Variants in KHDRBS2 observed in about 807,000 individuals in gnomAD.
The protein encoded by KHDRBS2 is KH domain-containing, RNA-binding, signal transduction-associated protein 2.
Under a neutral mutation model 44.3 loss-of-function variants are expected in KHDRBS2, and 26 were observed. That is an observed-to-expected ratio of 0.59 (90% CI 0.43 to 0.81). The LOEUF (loss-of-function observed/expected upper bound fraction) is 0.81. Ranked by LOEUF, KHDRBS2 falls within the 40% of genes least tolerant of loss-of-function variation. The pLI is 0.00. For synonymous variants in KHDRBS2, 194 were observed against 151.1 expected (o/e 1.28, Z -2.08); for missense variants, 476 against 433.1 (o/e 1.10, Z -0.88).
intron 2 of KHDRBS2, among the ~76,000 whole-genome samples, chr6:62,152,339 A>G (rs1345171758): frequency 6.6e-5 from 10 of 152,154 alleles, no homozygotes; most frequent in Non-Finnish European, 1.5e-4. Flanking sequence ...CAAAAAACAA[A>G]CAAAAAAATA....
intron 3 of KHDRBS2, among the ~76,000 whole-genome samples, chr6:61,985,105 A>C (rs1393295714): frequency 6.6e-6 from 1 of 152,078 alleles, no homozygotes; most frequent in Non-Finnish European, 1.5e-5. Context: ...ATAGGTTCTG[A>C]TTAGGATATT....
intron 6 of KHDRBS2, among the ~76,000 whole-genome samples, chr6:61,876,887 G>A (rs1799483720): frequency 6.6e-6 from 1 of 152,050 alleles, no homozygotes; most frequent in South Asian, 2.1e-4. Context: ...CATCATTGCC[G>A]AAATATGTTC....
chr6:61,555,157 G>C, the KHDRBS2 span, among the ~76,000 whole-genome samples: 2 of 151,708 alleles, frequency 1.3e-5, no homozygotes, highest in Non-Finnish European at 2.9e-5. Context: ...TCATAAATTG[G>C]GTCTCTTTAA....
chr6:61,967,957 T>TAC (rs72296296), intron 4 of KHDRBS2, among the ~76,000 whole-genome samples: 26 of 73,582 alleles, frequency 3.5e-4, no homozygotes, highest in African/African-American at 7.9e-4. Flanking sequence ...TATATATATA[T>TAC]ACACACACAC....
intron 1 of KHDRBS2, among the ~76,000 whole-genome samples, chr6:62,222,397 T>C (rs952184505): frequency 6.7e-6 from 1 of 150,018 alleles, no homozygotes; most frequent in East Asian, 2.0e-4. Flanking sequence ...TGGCGGGAGG[T>C]GAAAAGCACT....
intron 4 of KHDRBS2, among the ~76,000 whole-genome samples, chr6:61,955,104 A>T (rs1423625741): frequency 8.1e-6 from 1 of 123,094 alleles, no homozygotes; most frequent in Non-Finnish European, 1.8e-5. Flanking sequence ...ATATGTATAT[A>T]TACACATATG....
At chr6:62,199,912 G>A (rs1033357801) in intron 1 of KHDRBS2, among the ~76,000 whole-genome samples, 8 of 152,136 alleles carry the variant, frequency 5.3e-5, no homozygotes, top group Non-Finnish European at 1.2e-4. Context: ...ACAGAACAGA[G>A]CCCTCAGAAA....
intron 2 of KHDRBS2, among the ~76,000 whole-genome samples, chr6:62,084,586 T>C (rs991377427): frequency 2.6e-5 from 4 of 152,188 alleles, no homozygotes; most frequent in Non-Finnish European, 5.9e-5. Flanking sequence ...TTTATGGGGC[T>C]ATCTCAAGGC....
intron 7 of KHDRBS2, among the ~76,000 whole-genome samples, chr6:61,711,522 A>C (rs1361385156): frequency 1.3e-5 from 2 of 151,920 alleles, no homozygotes; most frequent in African/African-American, 4.8e-5. Flanking sequence ...GTTTGACAAT[A>C]GTTAATTTAG....
At chr6:61,942,283 G>A (rs1310549328) in intron 4 of KHDRBS2, among the ~76,000 whole-genome samples, 1 of 151,982 alleles carries the variant, frequency 6.6e-6, no homozygotes, top group African/African-American at 2.4e-5. Context: ...ACAGATTCTA[G>A]ATATGCTCAA....
chr6:61,850,132 A>T (rs946499572), intron 6 of KHDRBS2, among the ~76,000 whole-genome samples: 1 of 152,082 alleles, frequency 6.6e-6, no homozygotes, highest in Non-Finnish European at 1.5e-5. Context: ...CAGAGCTTCA[A>T]TCTCCTACAA....
chr6:61,613,268 T>C, the KHDRBS2 span, among the ~76,000 whole-genome samples: 4 of 152,316 alleles, frequency 2.6e-5, no homozygotes, highest in South Asian at 8.3e-4. Flanking sequence ...TAACTTCTGC[T>C]CCTAAAATGG....
At chr6:62,249,459 T>C (rs1170556874) in intron 1 of KHDRBS2, among the ~76,000 whole-genome samples, 1 of 152,010 alleles carries the variant, frequency 6.6e-6, no homozygotes, top group Non-Finnish European at 1.5e-5. Context: ...ATCACATATA[T>C]TAATGTACCA....
chr6:61,714,242 C>T (rs1040444210), intron 7 of KHDRBS2, among the ~76,000 whole-genome samples: 2 of 151,668 alleles, frequency 1.3e-5, no homozygotes, highest in African/African-American at 4.8e-5. Context: ...AAAAAGTAAG[C>T]AAACACATAA....
chr6:61,966,874 AC>A (rs1251051177), intron 4 of KHDRBS2, among the ~76,000 whole-genome samples: 1 of 151,848 alleles, frequency 6.6e-6, no homozygotes, highest in African/African-American at 2.4e-5. Flanking sequence ...CTTAAACAGT[AC>A]AATAGTCAGA....
chr6:62,159,063 GAATT>G (rs199870832), intron 2 of KHDRBS2, among the ~76,000 whole-genome samples: 1,643 of 152,018 alleles, frequency 0.011, 126 homozygotes, highest in Admixed American at 0.099. Context: ...ATGATTTAAT[GAATT>G]AATTGGAATT....
intron 6 of KHDRBS2, among the ~76,000 whole-genome samples, chr6:61,884,214 AGAT>A (rs1800597840): frequency 6.6e-6 from 1 of 152,118 alleles, no homozygotes; most frequent in Admixed American, 6.6e-5. Context: ...AGTCTGAATT[AGAT>A]GATAGGATAG....
At chr6:61,897,547 A>T (rs191771726) in intron 5 of KHDRBS2, among the ~76,000 whole-genome samples, 128 of 152,120 alleles carry the variant, frequency 8.4e-4, no homozygotes, top group African/African-American at 3.1e-3. Context: ...TCTCTTGGGG[A>T]ACTCTTCTTC....
chr6:61,767,959 A>T (rs375381826), intron 6 of KHDRBS2, among the ~76,000 whole-genome samples: 165 of 152,210 alleles, frequency 1.1e-3, no homozygotes, highest in African/African-American at 3.9e-3. Context: ...TGTACTTACT[A>T]TTACCCAAGA....
Sources: allele counts gnomAD v4.1 joint callset (sites outside exome capture counted in the v4.1 genomes callset), GRCh38; gene constraint gnomAD v4.1.1; transcripts MANE v1.5; gene names NCBI Gene and HGNC (gene_info 2026-07-23, HGNC 2026-07-21).